Variants in ULK4 observed in about 807,000 individuals in gnomAD.
The protein encoded by ULK4 is unc-51 like kinase 4, also known as inactive serine/threonine-protein kinase ULK4.
ULK4 carries 133 observed loss-of-function variants against 160.6 expected under a neutral mutation model. That is an observed-to-expected ratio of 0.83 (90% CI 0.72 to 0.96). The LOEUF is 0.96. ULK4 is among the 40% of genes least tolerant of loss of function. ULK4 has a pLI of 0.00. For synonymous variants in ULK4, 534 were observed against 539.8 expected (o/e 0.99, Z 0.15); for missense variants, 1,580 against 1,499.5 (o/e 1.05, Z -0.89).
At chr3:41,907,201 G>A (rs1164237481) in intron 12 of ULK4, among the ~76,000 whole-genome samples, 2 of 152,166 alleles carry the variant, frequency 1.3e-5, no homozygotes, top group African/African-American at 4.8e-5. Context: ...GACTGCTAAT[G>A]GGTAGTTTCT....
Position 41,371,554 on chromosome 3 carries a change from C to A in ULK4, c.3678+26525G>T, listed in dbSNP as rs115677844. ...CTCCTGCTGACGAGCAGAAGAGAAGCCTGACTGTTAAAAGAAAAACTAACA... is the reference window on the plus strand; with the variant it reads ...CTCCTGCTGACGAGCAGAAGAGAAGACTGACTGTTAAAAGAAAAACTAACA... On this transcript the variant is annotated intron_variant, in intron 35 of 36. Coordinates refer to ENST00000301831, the MANE Select transcript of ULK4 (RefSeq NM_017886.4). Among the ~76,000 whole-genome samples the A allele has an allele frequency of 3.8e-3, 577 of 152,262 alleles. 3 individuals are homozygous for A. The highest frequency in any genetic ancestry group is 0.013 in the African/African-American group (541 of 41,540).
chr3:41,792,732 A>G (rs2040186744), intron 20 of ULK4, among the ~76,000 whole-genome samples: 1 of 152,228 alleles, frequency 6.6e-6, no homozygotes. Context: ...TTCACTTCTA[A>G]ATATCAAACT....
intron 18 of ULK4, among the ~76,000 whole-genome samples, chr3:41,827,117 C>T (rs1219424876): frequency 6.9e-6 from 1 of 145,870 alleles, no homozygotes; most frequent in Non-Finnish European, 1.5e-5. Flanking sequence ...CCAACGAGAA[C>T]AAAGACACAA....
At chr3:41,734,450 T>C (rs755319226) in intron 22 of ULK4, among the ~76,000 whole-genome samples, 2 of 152,174 alleles carry the variant, frequency 1.3e-5, no homozygotes, top group Non-Finnish European at 2.9e-5. Flanking sequence ...CTCTTGTGTA[T>C]GCAATTGAAT....
chr3:41,390,732 C>T (rs191647652), intron 35 of ULK4, among the ~76,000 whole-genome samples: 3 of 152,186 alleles, frequency 2.0e-5, no homozygotes, highest in African/African-American at 7.2e-5. Flanking sequence ...GTCTGAGAGA[C>T]AGTTTGTTAT....
intron 34 of ULK4, among the ~76,000 whole-genome samples, chr3:41,445,288 G>A (rs920665754): frequency 4.6e-5 from 7 of 152,104 alleles, no homozygotes; most frequent in Admixed American, 2.6e-4. Flanking sequence ...CGTGAAAATG[G>A]CCATACTGCC....
At chr3:41,430,635 A>T (rs1468422251) in intron 34 of ULK4, among the ~76,000 whole-genome samples, 1 of 152,214 alleles carries the variant, frequency 6.6e-6, no homozygotes, top group Admixed American at 6.5e-5. Flanking sequence ...AGTTTATTAC[A>T]ATAAGAGATA....
chr3:41,518,814 G>A (rs1303119054), intron 32 of ULK4, among the ~76,000 whole-genome samples: 2 of 152,158 alleles, frequency 1.3e-5, no homozygotes, highest in African/African-American at 4.8e-5. Context: ...TTTATTTCCT[G>A]AGCGTCAGCA....
chr3:41,739,436 G>C (rs2038166233), intron 22 of ULK4, among the ~76,000 whole-genome samples: 1 of 151,860 alleles, frequency 6.6e-6, no homozygotes, highest in African/African-American at 2.4e-5. Flanking sequence ...AGTGTCCCTG[G>C]AAAGAACATC....
At chr3:41,386,503 G>A (rs1485769910) in intron 35 of ULK4, among the ~76,000 whole-genome samples, 1 of 152,116 alleles carries the variant, frequency 6.6e-6, no homozygotes, top group Non-Finnish European at 1.5e-5. Flanking sequence ...AGAAATGTTT[G>A]AATCACTTGA....
chr3:41,920,061 ATTC>A (rs1272860201), intron 5 of ULK4, among the ~76,000 whole-genome samples: 1 of 152,216 alleles, frequency 6.6e-6, no homozygotes, highest in Non-Finnish European at 1.5e-5. Flanking sequence ...ATTCAGCTAC[ATTC>A]TTCTTTTAAA....
At chr3:41,937,921 T>G (rs1699831365) in intron 3 of ULK4, 177 bp downstream of exon 3, 4 of 416,862 alleles carry the variant, frequency 9.6e-6, no homozygotes, top group Non-Finnish European at 1.7e-5. Context: ...CAACCCGGAA[T>G]TGAATTTACA....
intron 27 of ULK4, among the ~76,000 whole-genome samples, chr3:41,700,466 T>C (rs934766292): frequency 1.3e-5 from 2 of 152,152 alleles, no homozygotes; most frequent in Non-Finnish European, 2.9e-5. Flanking sequence ...TCCTGACAAC[T>C]GAGGAGGCTG....
intron 35 of ULK4, among the ~76,000 whole-genome samples, chr3:41,345,784 A>C (rs1290351790): frequency 1.3e-5 from 2 of 152,200 alleles, no homozygotes; most frequent in Non-Finnish European, 2.9e-5. Flanking sequence ...TGAAAATATA[A>C]GTTGAAGAAA....
chr3:41,471,092 C>T lies in ULK4; in HGVS notation c.3227-7839G>A, dbSNP rs534627707. On this transcript the variant is annotated intron_variant, in intron 32 of 36. Coordinates refer to ENST00000301831, the MANE Select transcript of ULK4 (RefSeq NM_017886.4). ...CACAAAACTAGACCCAACTATAAGC[C>T]GCCTACAAGATACTCACCTCACTTT... 1.7e-4 allele frequency among the ~76,000 whole-genome samples: 26 copies of T among 151,812 alleles called. 1 individual carries two copies. Among genetic ancestry groups the T allele is most frequent in the South Asian group, 1.3e-3 (6 of 4,786 alleles).
Position 41,931,956 on chromosome 3 carries a change from T to C in ULK4, c.429A>G (p.Ala143=). Residue 143 remains alanine, a synonymous_variant, in exon 5 of 37, where the codon GCA becomes GCG. Transcript: ENST00000301831. ...GTLKFSNFCL[A]KVEGENLEEF... Reference sequence around the variant, plus strand: ...CTTCCAAATTTTCACCTTCCACTTTTGCCAAGCAAAAGTTGCTAAACTTCA... The same window carrying C: ...CTTCCAAATTTTCACCTTCCACTTTCGCCAAGCAAAAGTTGCTAAACTTCA... The C allele has an allele frequency of 6.2e-7, 1 of 1,614,056 alleles. No homozygotes were observed. Among genetic ancestry groups the C allele is most frequent in the Non-Finnish European group, 8.5e-7 (1 of 1,180,010 alleles).
intron 34 of ULK4, among the ~76,000 whole-genome samples, chr3:41,404,942 T>A (rs2082263351): frequency 6.6e-6 from 1 of 152,220 alleles, no homozygotes; most frequent in Non-Finnish European, 1.5e-5. Context: ...CAAAATGGAC[T>A]AAGAACTCTA....
At chr3:41,838,685 T>C (rs1227084700) in intron 17 of ULK4, among the ~76,000 whole-genome samples, 1 of 152,150 alleles carries the variant, frequency 6.6e-6, no homozygotes, top group Non-Finnish European at 1.5e-5. Context: ...AATAAATCAA[T>C]AAATTCATAC....
In ULK4 at chr3:41,674,964, G is replaced by A. The variant is rs114330752; in HGVS notation, c.2978+6544C>T. On this transcript the variant is annotated intron_variant, in intron 29 of 36. Coordinates refer to ENST00000301831, the MANE Select transcript of ULK4 (RefSeq NM_017886.4). ...TTTAGAAAAAGGGTTTCTAGCAGCC[G>A]GGCATGGTGGCTCACGCCTGTAATC... is the stretch of plus-strand genomic sequence containing the variant. Among the ~76,000 whole-genome samples the A allele has an allele frequency of 3.6e-3, 545 of 152,286 alleles. 4 individuals are homozygous for A. The highest frequency in any genetic ancestry group is 0.029 in the South Asian group (140 of 4,824).
Sources: allele counts gnomAD v4.1 joint callset (sites outside exome capture counted in the v4.1 genomes callset), GRCh38; gene constraint gnomAD v4.1.1; transcripts MANE v1.5; gene names NCBI Gene and HGNC (gene_info 2026-07-23, HGNC 2026-07-21).